The following PKNOX2 variants were observed in gnomAD, a reference collection of about 807,000 sequenced individuals.
The protein encoded by PKNOX2 is homeobox protein PKNOX2.
In PKNOX2, 14 loss-of-function variants were observed where a neutral mutation model predicts 53.1. That is an observed-to-expected ratio of 0.26 (90% CI 0.17 to 0.41). The LOEUF (loss-of-function observed/expected upper bound fraction) is 0.41. Among genes scored for constraint, PKNOX2 ranks in the 10% least tolerant of loss-of-function variants. PKNOX2 has a pLI of 1.00. For missense variants in PKNOX2, 496 were observed against 602.8 expected, an observed-to-expected ratio of 0.82 and a Z score of 1.85; for synonymous variants, 257 against 242.8, an observed-to-expected ratio of 1.06 and a Z score of -0.54.
At chr11:125,164,840 G>GGCT (rs1565459278) in intron 1 of PKNOX2, 64 bp downstream of exon 1, 1 of 178,958 alleles carries the variant, frequency 5.6e-6, no homozygotes, top group African/African-American at 2.4e-5. Flanking sequence ...GCGCGGCGGC[G>GGCT]GCTGCTGCTG....
At chr11:125,174,539 G>C (rs1189340781) in intron 1 of PKNOX2, among the ~76,000 whole-genome samples, 1 of 152,138 alleles carries the variant, frequency 6.6e-6, no homozygotes, top group Admixed American at 6.5e-5. Context: ...TACATGCGAG[G>C]TCCATCAGGC....
intron 2 of PKNOX2, among the ~76,000 whole-genome samples, chr11:125,279,903 C>G (rs1946433833): frequency 6.6e-6 from 1 of 152,264 alleles, no homozygotes; most frequent in Non-Finnish European, 1.5e-5. Context: ...GCAACAGCCT[C>G]TTCTGAAAAG....
intron 1 of PKNOX2, among the ~76,000 whole-genome samples, chr11:125,228,773 A>G (rs1941940982): frequency 6.6e-6 from 1 of 152,150 alleles, no homozygotes; most frequent in African/African-American, 2.4e-5. Context: ...ATTTCTTCCT[A>G]TGGGCCATTA....
At chr11:125,256,840 G>C (rs764720660) in intron 2 of PKNOX2, among the ~76,000 whole-genome samples, 45 of 152,148 alleles carry the variant, frequency 3.0e-4, no homozygotes, top group Non-Finnish European at 5.0e-4. Flanking sequence ...GGAGAGAGAG[G>C]CTTCTGCTTC....
At chr11:125,306,750 G>A (rs56233958) in intron 2 of PKNOX2, among the ~76,000 whole-genome samples, 11,719 of 152,226 alleles carry the variant, frequency 0.077, 783 homozygotes, top group East Asian at 0.2. Context: ...TAGAGACCCC[G>A]GCACAGCCGT....
chr11:125,311,063 T>C (rs1314131811), intron 2 of PKNOX2, among the ~76,000 whole-genome samples: 3 of 152,152 alleles, frequency 2.0e-5, no homozygotes, highest in African/African-American at 7.2e-5. Context: ...TAGACTCCAG[T>C]TCACTCTGGT....
Position 125,166,969 on chromosome 11 carries a change from C to T in PKNOX2, c.-201+2193C>T, listed in dbSNP as rs1954924371. Among the ~76,000 whole-genome samples, 1 of 152,114 alleles carries T rather than the reference C, an allele frequency of 6.6e-6. No individual in the cohort carries two copies. The highest frequency in any genetic ancestry group is 6.5e-5 in the Admixed American group (1 of 15,284). On this transcript the variant is annotated intron_variant, in intron 1 of 12. Transcript: ENST00000298282. The surrounding 1 kb of genome is among the most constrained non-coding windows in gnomAD (Gnocchi z 4.0). ...GTTCAAACATAACACGGTGTATTACCCAAAGCCCCTGCCCTTGCCCTCCTG... is the reference window on the plus strand; with the variant it reads ...GTTCAAACATAACACGGTGTATTACTCAAAGCCCCTGCCCTTGCCCTCCTG...
chr11:125,259,941 A>G (rs1348243096), intron 2 of PKNOX2, among the ~76,000 whole-genome samples: 2 of 151,722 alleles, frequency 1.3e-5, no homozygotes, highest in East Asian at 3.9e-4. Flanking sequence ...CAGTGGCACA[A>G]TCACAGCTCA....
chr11:125,395,861 C>T (rs1419135799), intron 6 of PKNOX2, among the ~76,000 whole-genome samples: 2 of 152,018 alleles, frequency 1.3e-5, no homozygotes, highest in African/African-American at 4.8e-5. Context: ...AAATATTCTC[C>T]TCCAGTATGT....
At chr11:125,359,221 G>T (rs2136236194) in intron 4 of PKNOX2, among the ~76,000 whole-genome samples, 1 of 152,268 alleles carries the variant, frequency 6.6e-6, no homozygotes, top group East Asian at 1.9e-4. Context: ...GGCTGTGCAG[G>T]TGACAAGGCT....
chr11:125,310,306 G>A (rs186318385), intron 2 of PKNOX2, among the ~76,000 whole-genome samples: 24 of 152,026 alleles, frequency 1.6e-4, no homozygotes, highest in African/African-American at 5.1e-4. Context: ...ACCAGCCTGA[G>A]CAACATGGTG....
chr11:125,328,105 C>CA (rs779729528), intron 2 of PKNOX2, among the ~76,000 whole-genome samples: 1 of 152,088 alleles, frequency 6.6e-6, no homozygotes, highest in Non-Finnish European at 1.5e-5. Flanking sequence ...ACCCCAGCAC[C>CA]AGGAGGGACA....
chr11:125,282,167 C>T (rs558140069), intron 2 of PKNOX2, among the ~76,000 whole-genome samples: 2 of 152,338 alleles, frequency 1.3e-5, no homozygotes, highest in South Asian at 2.1e-4. Context: ...AGCTGTCTGT[C>T]AGCTCCAAGC....
In PKNOX2 at chr11:125,385,462, C is replaced by T. The variant is rs1591551395; in HGVS notation, c.228-89C>T. On this transcript the variant is annotated intron_variant, in intron 5 of 12. Transcript: ENST00000298282. Reference sequence around the variant, plus strand: ...GGGACCTTGGGAGAAGTGAGGGGAACGTGGGCAGGGGAGCCTGGTGGCTTC... The same window carrying T: ...GGGACCTTGGGAGAAGTGAGGGGAATGTGGGCAGGGGAGCCTGGTGGCTTC... 9.9e-6 allele frequency: 14 copies of T among 1,413,728 alleles called. No homozygotes were observed. In the Admixed American group the frequency reaches 1.2e-4, roughly 12 times the overall value. 87.6% of individuals were successfully genotyped at this position (1,413,728 alleles called of 1,614,324 possible). A position where few individuals can be genotyped will look rare whatever the true frequency, so the allele number is the denominator to read the frequency against.
intron 1 of PKNOX2, among the ~76,000 whole-genome samples, chr11:125,189,387 G>GTA (rs1382250084): frequency 6.3e-5 from 8 of 126,998 alleles, no homozygotes; most frequent in African/African-American, 1.1e-4. Context: ...ATATATGTGT[G>GTA]TATATATATA....
intron 3 of PKNOX2, among the ~76,000 whole-genome samples, chr11:125,348,478 C>T (rs1362005963): frequency 1.3e-5 from 2 of 152,248 alleles, no homozygotes; most frequent in Non-Finnish European, 1.5e-5. Context: ...GGGGAGGGGC[C>T]AGGGCCATCT....
At chr11:125,234,220 G>T (rs955450301) in intron 1 of PKNOX2, among the ~76,000 whole-genome samples, 2 of 152,182 alleles carry the variant, frequency 1.3e-5, no homozygotes, top group African/African-American at 4.8e-5. Context: ...GAGAAAATAG[G>T]CATCGCTTCT....
chr11:125,274,811 G>A (rs1380083917), intron 2 of PKNOX2, among the ~76,000 whole-genome samples: 1 of 152,228 alleles, frequency 6.6e-6, no homozygotes, highest in Non-Finnish European at 1.5e-5. Flanking sequence ...TAGGTGGAAA[G>A]TCAGATCAGG....
At chr11:125,406,822 A>G (rs1247266881) in intron 7 of PKNOX2, among the ~76,000 whole-genome samples, 2 of 148,088 alleles carry the variant, frequency 1.4e-5, no homozygotes, top group Non-Finnish European at 3.0e-5. Context: ...CTCAGCGTGT[A>G]CGATCTTTGG....
Sources: gnomAD v4.1 joint callset for allele counts (sites outside exome capture counted in the v4.1 genomes callset) on GRCh38, gnomAD v4.1.1 for gene constraint, Gnocchi (gnomAD v3.1) non-coding constraint, MANE v1.5 for transcripts, NCBI Gene and HGNC (gene_info 2026-07-23, HGNC 2026-07-21) for gene names.